The following AZIN2 variants were observed in gnomAD, a reference collection of about 807,000 sequenced individuals.
The protein encoded by AZIN2 is antizyme inhibitor 2, also known as ODC antizyme inhibitor-2.
In AZIN2, 28 loss-of-function variants were observed where a neutral mutation model predicts 47.8. That is an observed-to-expected ratio of 0.59 (90% CI 0.43 to 0.80). The LOEUF (loss-of-function observed/expected upper bound fraction) is 0.80. Ranked by LOEUF, AZIN2 falls within the 30% of genes least tolerant of loss-of-function variation. AZIN2 has a pLI of 0.00. For synonymous variants in AZIN2, 221 were observed against 239.4 expected (o/e 0.92, Z 0.71); for missense variants, 535 against 582.5 (o/e 0.92, Z 0.84).
chr1:33,119,739 C>T (rs568083600), intron 11 of AZIN2: 15 of 442,824 alleles, frequency 3.4e-5, no homozygotes, highest in African/African-American at 2.0e-4. Context: ...ATCAATGCAA[C>T]GGGGATGGTA....
chr1:33,086,749 T>C (rs1641949169), intron 5 of AZIN2, among the ~76,000 whole-genome samples: 1 of 152,242 alleles, frequency 6.6e-6, no homozygotes, highest in South Asian at 2.1e-4. Context: ...GCTTGCCCTC[T>C]GTCTCCCTCA....
intron 5 of AZIN2, among the ~76,000 whole-genome samples, chr1:33,086,967 C>T (rs555051819): frequency 2.6e-5 from 4 of 152,134 alleles, no homozygotes; most frequent in African/African-American, 7.2e-5. Context: ...TACCAACATC[C>T]CCAGTGAGCA....
chr1:33,103,606 T>C (rs1217261915), intron 10 of AZIN2, among the ~76,000 whole-genome samples: 1 of 152,188 alleles, frequency 6.6e-6, no homozygotes, highest in Non-Finnish European at 1.5e-5. Context: ...ATTATCTTGT[T>C]TTTGTTTACT....
At chr1:33,098,996 C>T (rs939726680) in intron 10 of AZIN2, among the ~76,000 whole-genome samples, 3 of 151,842 alleles carry the variant, frequency 2.0e-5, no homozygotes, top group Non-Finnish European at 4.4e-5. Context: ...AACCCTTGAC[C>T]TCAAATCATC....
chr1:33,094,978 C>T lies in AZIN2; in HGVS notation c.753+265C>T, dbSNP rs115250930. Among the ~76,000 whole-genome samples, 784 of 152,286 alleles carry T rather than the reference C, an allele frequency of 5.1e-3. 3 individuals carry two copies. The highest frequency in any genetic ancestry group is 8.6e-3 in the Non-Finnish European group (588 of 68,026). On this transcript the variant is annotated intron_variant, in intron 8 of 11. Coordinates refer to ENST00000294517, the MANE Select transcript of AZIN2 (RefSeq NM_052998.4). ...CAGCCAATTGGAGGCATAACCAGGA[C>T]ACATTTACATAAGTCGTAAGGCTCT...
rs369680147 is a variant in AZIN2, at chr1:33,117,993, C to T, written c.1121C>T (p.Pro374Leu). ...CDCVAEGLWL[P>L]QLHVGDWLVF... is the part of the protein sequence containing the mutation. ...TGCGTGGCTGAGGGCCTGTGGCTGC[C>T]GCAACTACACGTAGGGGACTGGCTG... Residue 374 changes from proline to leucine, a missense_variant, in exon 11 of 12, where the codon CCG (proline) becomes CTG (leucine). By Grantham distance (98) the Pro-to-Leu change is moderately conservative (BLOSUM62 -3). Transcript: ENST00000294517. 61 of 1,608,456 alleles carry T rather than the reference C, an allele frequency of 3.8e-5. No homozygotes were observed. The highest frequency in any genetic ancestry group is 4.2e-5 in the Non-Finnish European group (49 of 1,177,214).
chr1:33,084,984 G>A (rs572934503), intron 5 of AZIN2, among the ~76,000 whole-genome samples: 2 of 152,308 alleles, frequency 1.3e-5, no homozygotes, highest in East Asian at 3.9e-4. Flanking sequence ...GGCAGGGCTA[G>A]CAATACAGAA....
chr1:33,153,657 GA>G, the AZIN2 span, among the ~76,000 whole-genome samples: 1 of 152,276 alleles, frequency 6.6e-6, no homozygotes, highest in Non-Finnish European at 1.5e-5. Flanking sequence ...CCTTATGAGG[GA>G]GTTGAGAAGG....
intron 10 of AZIN2, among the ~76,000 whole-genome samples, chr1:33,106,226 C>G (rs1282831496): frequency 6.6e-6 from 1 of 152,016 alleles, no homozygotes; most frequent in African/African-American, 2.4e-5. Context: ...CATGAAGAAA[C>G]AGAAAATCTG....
At chr1:33,092,953 G>A (rs560956882) in intron 6 of AZIN2, among the ~76,000 whole-genome samples, 2 of 152,196 alleles carry the variant, frequency 1.3e-5, no homozygotes, top group Non-Finnish European at 2.9e-5. Flanking sequence ...TCTCCTTAAG[G>A]CTTTGTTTAA....
At chr1:33,137,759 T>A in the AZIN2 span, among the ~76,000 whole-genome samples, 10 of 152,308 alleles carry the variant, frequency 6.6e-5, no homozygotes, top group African/African-American at 2.4e-4. Context: ...CTCTGATACC[T>A]ACCTGCCCCT....
At chr1:33,153,521 A>T in the AZIN2 span, among the ~76,000 whole-genome samples, 3 of 152,214 alleles carry the variant, frequency 2.0e-5, no homozygotes, top group African/African-American at 7.2e-5. Context: ...CAGGGATGCC[A>T]CTAAACATCC....
chr1:33,147,988 G>A, the AZIN2 span, among the ~76,000 whole-genome samples: 2 of 152,314 alleles, frequency 1.3e-5, no homozygotes, highest in South Asian at 2.1e-4. This position sits in a 1 kb window ranked among gnomAD's most constrained non-coding sequence, Gnocchi z 8.1. Context: ...TGCCCAGGGC[G>A]GAGCACATAG....
At chr1:33,142,459 C>T in the AZIN2 span, 5 of 152,378 alleles carry the variant, frequency 3.3e-5, no homozygotes, top group Admixed American at 2.6e-4. Context: ...TAACGTTAGA[C>T]TTACAGAATC....
At chr1:33,118,282 G>A in intron 11 of AZIN2, 166 bp downstream of exon 11, 1 of 718,100 alleles carries the variant, frequency 1.4e-6, no homozygotes, top group Admixed American at 3.6e-5. Context: ...GGCCATAAGT[G>A]AGGCTGGGCT....
chr1:33,132,576 T>C, the AZIN2 span, among the ~76,000 whole-genome samples: 1 of 152,228 alleles, frequency 6.6e-6, no homozygotes, highest in African/African-American at 2.4e-5. Context: ...AGGCTCCCCC[T>C]AACCTTCCTC....
At chr1:33,115,128 A>G (rs540281673) in intron 10 of AZIN2, among the ~76,000 whole-genome samples, 1 of 152,246 alleles carries the variant, frequency 6.6e-6, no homozygotes, top group African/African-American at 2.4e-5. Flanking sequence ...AACTCCCCCT[A>G]GAGCCTTGGG....
At chr1:33,140,415 G>A in the AZIN2 span, among the ~76,000 whole-genome samples, 1 of 152,162 alleles carries the variant, frequency 6.6e-6, no homozygotes, top group African/African-American at 2.4e-5. The surrounding 1 kb of genome is among the most constrained non-coding windows in gnomAD (Gnocchi z 4.0). Flanking sequence ...CCAGGACCTC[G>A]CTTCTGATTG....
intron 8 of AZIN2, among the ~76,000 whole-genome samples, chr1:33,095,845 A>ATT (rs201010709): frequency 1.3e-5 from 2 of 150,736 alleles, no homozygotes; most frequent in African/African-American, 4.9e-5. Context: ...AGAGGAAATA[A>ATT]TTTTTTTTTT....
Sources: gnomAD v4.1 joint callset for allele counts (sites outside exome capture counted in the v4.1 genomes callset) on GRCh38, gnomAD v4.1.1 for gene constraint, Gnocchi (gnomAD v3.1) non-coding constraint, MANE v1.5 for transcripts, NCBI Gene and HGNC (gene_info 2026-07-23, HGNC 2026-07-21) for gene names.